The following ANXA6 variants were observed in gnomAD, a reference collection of about 807,000 sequenced individuals.
ANXA6 encodes the protein 67 kDa calelectrin.
A neutral mutation model predicts 95.4 loss-of-function variants in ANXA6; 71 were observed. The observed-to-expected ratio is 0.74, with a 90% CI of 0.61 to 0.91. The LOEUF is 0.91. Among genes scored for constraint, ANXA6 ranks in the 40% least tolerant of loss-of-function variants. The pLI is 0.00. For synonymous variants in ANXA6, 289 were observed against 315.9 expected (o/e 0.91, Z 0.90); for missense variants, 830 against 876.4 (o/e 0.95, Z 0.67).
intron 22 of ANXA6, 30 bp from the exon 23 acceptor site, chr5:151,108,580 G>T: frequency 2.5e-6 from 4 of 1,601,994 alleles, no homozygotes; most frequent in Non-Finnish European, 3.4e-6. Context: ...CAGAGGTGGG[G>T]GTGAGCTTCA....
intron 1 of ANXA6, among the ~76,000 whole-genome samples, chr5:151,157,158 T>C (rs1766257848): frequency 6.6e-6 from 1 of 152,106 alleles, no homozygotes; most frequent in Non-Finnish European, 1.5e-5. Context: ...CCCTGAGGTA[T>C]GTACGACCGG....
At chr5:151,128,042 C>G in intron 13 of ANXA6, 139 bp downstream of exon 13, 1 of 724,088 alleles carries the variant, frequency 1.4e-6, no homozygotes, top group Non-Finnish European at 2.4e-6. Flanking sequence ...CAGCAAAAGC[C>G]GCCTTTCACT....
intron 20 of ANXA6, among the ~76,000 whole-genome samples, chr5:151,112,069 T>G (rs1764865849): frequency 6.6e-6 from 1 of 152,178 alleles, no homozygotes. Context: ...GTGCTGGGAT[T>G]ATAGGCACTG....
intron 6 of ANXA6, 103 bp from the exon 7 acceptor site, chr5:151,136,438 C>T: frequency 8.8e-7 from 1 of 1,139,646 alleles, no homozygotes. Context: ...TTTAAGAATT[C>T]CAAAACCCAG....
At position 151,140,175 on chromosome 5, in the gene ANXA6, C is replaced by G. The variant is rs1765788001; in HGVS notation, c.87G>C (p.Leu29=). The G allele has an allele frequency of 3.1e-6, 5 of 1,613,822 alleles. No homozygotes were observed. The highest frequency in any genetic ancestry group is 1.7e-5 in the Admixed American group (1 of 60,002). The change falls in exon 3 of 26, where the codon CTG becomes CTC. Residue 29 remains leucine (L), a synonymous_variant. Transcript: ENST00000354546. ...CACCAAAGCCCTTCATGGCAGTGTACAGAGCCTCGGCATCCTGGTTGGGGT... is the reference window on the plus strand; with the variant it reads ...CACCAAAGCCCTTCATGGCAGTGTAGAGAGCCTCGGCATCCTGGTTGGGGT... ...GFDPNQDAEA[L]YTAMKGFGSD... is the part of the protein sequence containing the mutation.
At chr5:151,144,223 C>G (rs1561584792) in intron 2 of ANXA6, among the ~76,000 whole-genome samples, 1 of 152,178 alleles carries the variant, frequency 6.6e-6, no homozygotes, top group South Asian at 2.1e-4. Flanking sequence ...ACTCAGCTGA[C>G]CACTCACAAC....
chr5:151,150,682 C>T (rs1260097227), intron 1 of ANXA6, among the ~76,000 whole-genome samples: 2 of 152,172 alleles, frequency 1.3e-5, no homozygotes, highest in African/African-American at 4.8e-5. Flanking sequence ...TACAACTGTG[C>T]AGCTCTCACC....
rs13355246 is a variant in ANXA6 at position 151,109,336 on chromosome 5, C to T, written c.1684+417G>A. On this transcript the variant is annotated intron_variant, in intron 22 of 25. Coordinates refer to ENST00000354546, the MANE Select transcript of ANXA6 (RefSeq NM_001155.5). ...TGCATACAGGTGTGCCCTGAGCATG[C>T]GGCAGCCTGTGGTTCAAAGATGTCT... Among the ~76,000 whole-genome samples the T allele has an allele frequency of 6.8e-3, 1,033 of 152,314 alleles. 13 individuals carry two copies. Among genetic ancestry groups the T allele is most frequent in the African/African-American group, 0.024 (995 of 41,556 alleles).
chr5:151,122,779 T>G, intron 16 of ANXA6, 138 bp downstream of exon 16: 6 of 709,154 alleles, frequency 8.5e-6, no homozygotes, highest in Non-Finnish European at 1.5e-5. Context: ...GGAGACACTC[T>G]GAGATCATAT....
At position 151,134,412 on chromosome 5, in the gene ANXA6, G is replaced by C. The variant is rs750215443; in HGVS notation, c.546+15C>G. ...TTCTGCTGTGCCTCAGGGACTTTCA[G>C]TGGTGCTTGTTTACCTGGACATCCT... is the stretch of plus-strand genomic sequence containing the variant. On this transcript the variant is annotated intron_variant, in intron 8 of 25. Transcript: ENST00000354546. The C allele has an allele frequency of 1.9e-6, 3 of 1,613,764 alleles. No individual in the cohort carries two copies. The South Asian group carries it at 3.3e-5, about 18-fold the overall frequency.
intron 8 of ANXA6, 28 bp from the exon 9 acceptor site, chr5:151,133,215 G>A (rs1765568748): frequency 1.3e-6 from 2 of 1,520,690 alleles, no homozygotes; most frequent in African/African-American, 1.4e-5. Flanking sequence ...GCACTTGACT[G>A]AAAGAGGAAA....
intron 2 of ANXA6, among the ~76,000 whole-genome samples, chr5:151,142,868 C>A (rs1765873766): frequency 6.6e-6 from 1 of 152,210 alleles, no homozygotes; most frequent in Admixed American, 6.5e-5. Context: ...AAAGATGCCA[C>A]CAGGGGCAGG....
intron 2 of ANXA6, among the ~76,000 whole-genome samples, chr5:151,146,659 G>T (rs1295422828): frequency 6.6e-6 from 1 of 152,094 alleles, no homozygotes; most frequent in Non-Finnish European, 1.5e-5. Flanking sequence ...GGGACAACGG[G>T]GCCCAGTCCC....
chr5:151,121,630 CTG>C (rs1765171548), intron 17 of ANXA6, among the ~76,000 whole-genome samples: 2 of 152,160 alleles, frequency 1.3e-5, no homozygotes, highest in South Asian at 4.1e-4. Context: ...CCCAGTCACA[CTG>C]TGAGTGAGTG....
chr5:151,148,502 G>A (rs1449178086), intron 1 of ANXA6, among the ~76,000 whole-genome samples: 1 of 152,204 alleles, frequency 6.6e-6, no homozygotes, highest in Non-Finnish European at 1.5e-5. Context: ...CTGAAGGACT[G>A]TCATTCCTGA....
At chr5:151,150,567 G>C (rs1766083257) in intron 1 of ANXA6, among the ~76,000 whole-genome samples, 1 of 152,192 alleles carries the variant, frequency 6.6e-6, no homozygotes, top group African/African-American at 2.4e-5. Flanking sequence ...TCATCATATG[G>C]GGTTGGGAGT....
intron 1 of ANXA6, among the ~76,000 whole-genome samples, chr5:151,150,226 G>A (rs1217479546): frequency 1.3e-5 from 2 of 152,224 alleles, no homozygotes; most frequent in East Asian, 3.9e-4. Flanking sequence ...TCAGCTCAAT[G>A]CCTTCCAGTT....
chr5:151,128,111 C>T (rs983229286), intron 13 of ANXA6, 70 bp downstream of exon 13: 67 of 1,344,266 alleles, frequency 5.0e-5, no homozygotes, highest in Admixed American at 4.5e-4. Context: ...CATCAGGATG[C>T]GAGCCAGGAG....
chr5:151,133,423 T>C lies in ANXA6; in HGVS notation c.547-236A>G, dbSNP rs76905078. The C allele has an allele frequency of 5.2e-3, 2,453 of 475,456 alleles. 58 individuals carry two copies. The highest frequency in any genetic ancestry group is 0.043 in the African/African-American group (2,218 of 51,470). 29.5% of individuals were successfully genotyped at this position (475,456 alleles called of 1,614,324 possible). On this transcript the variant is annotated intron_variant, in intron 8 of 25. Transcript: ENST00000354546. ...CATAGAGCACTCGCACACACCTAGATGGCATAGCCTACTACACACCCAGAC... is the reference window on the plus strand; with the variant it reads ...CATAGAGCACTCGCACACACCTAGACGGCATAGCCTACTACACACCCAGAC...
Sources: gnomAD v4.1 joint callset for allele counts (sites outside exome capture counted in the v4.1 genomes callset) on GRCh38, gnomAD v4.1.1 for gene constraint, MANE v1.5 for transcripts, NCBI Gene and HGNC (gene_info 2026-07-23, HGNC 2026-07-21) for gene names.